Variants in SOX6 observed in about 807,000 individuals in gnomAD.
SOX6 encodes transcription factor SOX-6.
SOX6 carries 11 observed loss-of-function variants against 97.8 expected under a neutral mutation model. The observed-to-expected ratio is 0.11, with a 90% CI of 0.07 to 0.19. The LOEUF is 0.19. SOX6 is among the 10% of genes least tolerant of loss of function. SOX6 has a pLI of 1.00. For missense variants in SOX6, 810 were observed against 1,039.5 expected, an observed-to-expected ratio of 0.78 and a Z score of 3.04; for synonymous variants, 360 against 371.4, an observed-to-expected ratio of 0.97 and a Z score of 0.35.
chr11:16,015,836 T>G (rs931780387), intron 12 of SOX6, among the ~76,000 whole-genome samples: 6 of 151,998 alleles, frequency 3.9e-5, no homozygotes, highest in Admixed American at 1.3e-4. Flanking sequence ...CCCCCTCTCG[T>G]CTCCTCACTA....
chr11:16,339,200 G>C (rs576050934), intron 2 of SOX6, among the ~76,000 whole-genome samples: 189 of 151,842 alleles, frequency 1.2e-3, no homozygotes, highest in African/African-American at 4.3e-3. Flanking sequence ...ATTATACCAC[G>C]CCAGACTTTA....
At chr11:16,295,352 T>C (rs767997019) in intron 3 of SOX6, among the ~76,000 whole-genome samples, 2 of 152,096 alleles carry the variant, frequency 1.3e-5, no homozygotes, top group Non-Finnish European at 2.9e-5. Flanking sequence ...ACAAATACTT[T>C]AGGAAGCTAT....
At chr11:16,734,898 C>T (rs530426602) in intron 2 of SOX6, among the ~76,000 whole-genome samples, 1 of 152,032 alleles carries the variant, frequency 6.6e-6, no homozygotes, top group Admixed American at 6.6e-5. Context: ...GTGGGCTAAT[C>T]AAGATAAGTT....
chr11:16,050,970 T>C (rs992182753), intron 10 of SOX6, among the ~76,000 whole-genome samples: 15 of 151,936 alleles, frequency 9.9e-5, no homozygotes, highest in Non-Finnish European at 2.9e-5. Flanking sequence ...AAAGACCCAA[T>C]AGAGTTTGGT....
At chr11:16,695,830 A>C (rs530363852) in intron 3 of SOX6, among the ~76,000 whole-genome samples, 46 of 151,048 alleles carry the variant, frequency 3.0e-4, no homozygotes, top group African/African-American at 1.0e-3. Flanking sequence ...TCTACCAATA[A>C]GAAAAAAAAA....
chr11:16,597,381 T>C (rs1254153410), intron 4 of SOX6, among the ~76,000 whole-genome samples: 2 of 151,584 alleles, frequency 1.3e-5, no homozygotes, highest in Non-Finnish European at 1.5e-5. Flanking sequence ...GCTTCAAACT[T>C]AACCTTTCTA....
intron 3 of SOX6, among the ~76,000 whole-genome samples, chr11:16,272,590 TA>T (rs1854289760): frequency 6.6e-6 from 1 of 151,830 alleles, no homozygotes; most frequent in African/African-American, 2.4e-5. Flanking sequence ...AACCAATCAA[TA>T]TTTTATAATT....
intron 1 of SOX6, among the ~76,000 whole-genome samples, chr11:16,383,872 G>A (rs976693323): frequency 6.6e-6 from 1 of 151,798 alleles, no homozygotes; most frequent in South Asian, 2.1e-4. Context: ...ACTAATTACA[G>A]AGAAATGACA....
chr11:16,023,523 A>G (rs940086226), intron 12 of SOX6, among the ~76,000 whole-genome samples: 1 of 152,190 alleles, frequency 6.6e-6, no homozygotes, highest in Non-Finnish European at 1.5e-5. Flanking sequence ...GTGTAAGTCA[A>G]TTAAACAGTA....
Position 16,669,233 on chromosome 11 carries a change from A to G in SOX6, n.429+45597T>C, listed in dbSNP as rs1847830129. Among the ~76,000 whole-genome samples, 2 of 152,388 alleles carry G rather than the reference A, an allele frequency of 1.3e-5. 1 individual carries two copies. Among genetic ancestry groups the G allele is most frequent in the South Asian group, 4.1e-4 (2 of 4,830 alleles). On this transcript the variant is annotated intron_variant and non_coding_transcript_variant, in intron 3 of 5. Coordinates refer to the SOX6 transcript ENST00000524520. ...ATGGAATAAAAGGAAATCAATAACA[A>G]GAGGAATCTTGGAAACAATAAAAAT...
chr11:16,051,365 T>G (rs1847681303), intron 10 of SOX6, among the ~76,000 whole-genome samples: 1 of 152,168 alleles, frequency 6.6e-6, no homozygotes, highest in East Asian at 1.9e-4. Context: ...TCTAATTTAT[T>G]GGACTCCAAA....
At chr11:16,594,344 T>C (rs1236876926) in intron 4 of SOX6, among the ~76,000 whole-genome samples, 1 of 152,146 alleles carries the variant, frequency 6.6e-6, no homozygotes, top group Non-Finnish European at 1.5e-5. Context: ...AAACTACAAA[T>C]GGACGCATTC....
At chr11:15,984,296 T>G (rs1200518766) in intron 15 of SOX6, among the ~76,000 whole-genome samples, 1 of 152,202 alleles carries the variant, frequency 6.6e-6, no homozygotes, top group African/African-American at 2.4e-5. Context: ...ATAGTATTAC[T>G]GCAACTCATA....
intron 6 of SOX6, among the ~76,000 whole-genome samples, chr11:16,126,346 T>A (rs1849613606): frequency 1.3e-5 from 2 of 152,116 alleles, no homozygotes; most frequent in Admixed American, 1.3e-4. Flanking sequence ...ATTTAACATT[T>A]TAAAAGGCTG....
intron 3 of SOX6, among the ~76,000 whole-genome samples, chr11:16,623,202 G>T (rs1848569767): frequency 6.6e-6 from 1 of 152,002 alleles, no homozygotes; most frequent in Non-Finnish European, 1.5e-5. Context: ...TGCATTTTTA[G>T]TAGAGACGGG....
chr11:16,678,519 G>T (rs1028123495), intron 3 of SOX6, among the ~76,000 whole-genome samples: 3 of 152,168 alleles, frequency 2.0e-5, no homozygotes, highest in Non-Finnish European at 2.9e-5. Context: ...CCAGTCTGCA[G>T]CTCCCAGCAA....
At chr11:16,010,853 C>T (rs1854699149) in intron 13 of SOX6, among the ~76,000 whole-genome samples, 1 of 151,850 alleles carries the variant, frequency 6.6e-6, no homozygotes, top group South Asian at 2.1e-4. Flanking sequence ...AAAAAAAAAC[C>T]CTAAATGGAA....
chr11:16,267,773 G>C (rs1357586477), intron 3 of SOX6, among the ~76,000 whole-genome samples: 1 of 151,514 alleles, frequency 6.6e-6, no homozygotes, highest in Non-Finnish European at 1.5e-5. Flanking sequence ...ATTCACAATA[G>C]CCAAGTTATG....
intron 4 of SOX6, among the ~76,000 whole-genome samples, chr11:16,536,316 G>A (rs181004043): frequency 6.6e-6 from 1 of 152,106 alleles, no homozygotes; most frequent in African/African-American, 2.4e-5. Flanking sequence ...TAAAAATAAT[G>A]GTATAAATCA....
Sources: gnomAD v4.1 joint callset for allele counts (sites outside exome capture counted in the v4.1 genomes callset) on GRCh38, gnomAD v4.1.1 for gene constraint, MANE v1.5 for transcripts, NCBI Gene and HGNC (gene_info 2026-07-23, HGNC 2026-07-21) for gene names.